Variants in SCHIP1 observed in about 807,000 individuals in gnomAD.
SCHIP1 encodes the protein schwannomin interacting protein 1.
SCHIP1 carries 8 observed loss-of-function variants against 29.7 expected under a neutral mutation model. That is an observed-to-expected ratio of 0.27 (90% CI 0.16 to 0.49). The LOEUF (loss-of-function observed/expected upper bound fraction) is 0.49, where lower values mean the gene tolerates loss of function less well. Ranked by LOEUF, SCHIP1 falls within the 20% of genes least tolerant of loss-of-function variation. SCHIP1 has a pLI of 0.99. For missense variants in SCHIP1, 193 were observed against 294.6 expected, an observed-to-expected ratio of 0.66 and a Z score of 2.52; for synonymous variants, 76 against 94.9, an observed-to-expected ratio of 0.80 and a Z score of 1.16.
the SCHIP1 span, among the ~76,000 whole-genome samples, chr3:159,834,165 G>A: frequency 6.6e-6 from 1 of 152,168 alleles, no homozygotes; most frequent in South Asian, 2.1e-4. Flanking sequence ...TTGTTTCAAA[G>A]TATTTATTGA....
At chr3:159,687,736 G>T in the SCHIP1 span, among the ~76,000 whole-genome samples, 1 of 152,120 alleles carries the variant, frequency 6.6e-6, no homozygotes, top group African/African-American at 2.4e-5. Flanking sequence ...TTATCCTAGT[G>T]CTATCCCTCC....
At chr3:159,882,903 C>A (rs1479804397) in intron 2 of SCHIP1, among the ~76,000 whole-genome samples, 1 of 152,216 alleles carries the variant, frequency 6.6e-6, no homozygotes, top group South Asian at 2.1e-4. Flanking sequence ...CCAGTAGGCA[C>A]TGTCACACTG....
At chr3:159,419,315 C>T in the SCHIP1 span, among the ~76,000 whole-genome samples, 1 of 152,248 alleles carries the variant, frequency 6.6e-6, no homozygotes, top group African/African-American at 2.4e-5. Context: ...AAGCACCTAG[C>T]ACAAGGTTTG....
At chr3:159,569,868 C>T in the SCHIP1 span, among the ~76,000 whole-genome samples, 49 of 152,278 alleles carry the variant, frequency 3.2e-4, no homozygotes, top group African/African-American at 8.7e-4. Context: ...TTCTAACTGG[C>T]ATGAGATGGT....
At chr3:159,673,380 G>T in the SCHIP1 span, among the ~76,000 whole-genome samples, 1 of 152,200 alleles carries the variant, frequency 6.6e-6, no homozygotes, top group African/African-American at 2.4e-5. Context: ...AGCCATGTAT[G>T]TCTGTGACTT....
chr3:159,280,681 GT>G, the SCHIP1 span, among the ~76,000 whole-genome samples: 3 of 152,300 alleles, frequency 2.0e-5, no homozygotes, highest in African/African-American at 7.2e-5. Context: ...TGCCAGAGAG[GT>G]TTTGGCACTT....
At chr3:159,382,770 T>G in the SCHIP1 span, among the ~76,000 whole-genome samples, 1 of 152,356 alleles carries the variant, frequency 6.6e-6, no homozygotes, top group African/African-American at 2.4e-5. Flanking sequence ...CAGCACCTGC[T>G]GTTTCTTGAC....
At chr3:159,485,253 G>A in the SCHIP1 span, among the ~76,000 whole-genome samples, 1 of 152,290 alleles carries the variant, frequency 6.6e-6, no homozygotes, top group South Asian at 2.1e-4. Context: ...CCTGGGGTCA[G>A]GTCCGTAGTG....
the SCHIP1 span, among the ~76,000 whole-genome samples, chr3:159,410,452 T>TA: frequency 1.3e-5 from 2 of 151,924 alleles, no homozygotes; most frequent in Non-Finnish European, 2.9e-5. Flanking sequence ...AATAATCCAA[T>TA]AAAAAATAGG....
At chr3:159,377,493 G>A in the SCHIP1 span, among the ~76,000 whole-genome samples, 4 of 152,206 alleles carry the variant, frequency 2.6e-5, no homozygotes, top group South Asian at 8.3e-4. Flanking sequence ...AAGAGGCCAT[G>A]GAGAATCTAT....
the SCHIP1 span, among the ~76,000 whole-genome samples, chr3:159,797,769 A>G: frequency 1.3e-5 from 2 of 151,978 alleles, no homozygotes; most frequent in Non-Finnish European, 2.9e-5. Context: ...GAGATGGGGT[A>G]AGATCTTTAG....
At chr3:159,494,809 A>C in the SCHIP1 span, among the ~76,000 whole-genome samples, 529 of 152,310 alleles carry the variant, frequency 3.5e-3, 8 homozygotes, top group African/African-American at 0.012. Flanking sequence ...AAAAAAAAAG[A>C]GAATTTTATA....
the SCHIP1 span, among the ~76,000 whole-genome samples, chr3:159,723,680 C>T: frequency 2.6e-5 from 4 of 152,142 alleles, no homozygotes; most frequent in Non-Finnish European, 4.4e-5. Flanking sequence ...AGAAGCAACC[C>T]TGTACATCAT....
the SCHIP1 span, among the ~76,000 whole-genome samples, chr3:159,615,228 A>G: frequency 6.6e-6 from 1 of 152,212 alleles, no homozygotes; most frequent in Non-Finnish European, 1.5e-5. Flanking sequence ...GATCATGTTC[A>G]GTGTTGTGAG....
the SCHIP1 span, among the ~76,000 whole-genome samples, chr3:159,670,621 A>G: frequency 2.6e-5 from 4 of 152,196 alleles, no homozygotes; most frequent in Non-Finnish European, 5.9e-5. Context: ...TATATGGACA[A>G]TTAATGTGTT....
At chr3:159,722,245 A>G in the SCHIP1 span, 1 of 174,452 alleles carries the variant, frequency 5.7e-6, no homozygotes, top group Admixed American at 6.4e-5. Context: ...TCTTCCACCA[A>G]CAGGGCCACA....
chr3:159,836,266 C>A (rs1463257671), upstream of SCHIP1, among the ~76,000 whole-genome samples: 1 of 152,134 alleles, frequency 6.6e-6, no homozygotes, highest in Admixed American at 6.5e-5. Flanking sequence ...CATGAGGCCC[C>A]GTTTCCTGAT....
the SCHIP1 span, among the ~76,000 whole-genome samples, chr3:159,431,622 A>G: frequency 3.3e-5 from 5 of 152,116 alleles, no homozygotes; most frequent in African/African-American, 7.2e-5. Context: ...TATCCTGGCT[A>G]AGATGGTGAA....
chr3:159,375,721 T>G, the SCHIP1 span: 2 of 811,620 alleles, frequency 2.5e-6, no homozygotes, highest in Admixed American at 1.3e-4. Flanking sequence ...TGGGCAAAAC[T>G]CCGTCTCAAA....
Sources: allele counts gnomAD v4.1 joint callset (sites outside exome capture counted in the v4.1 genomes callset), GRCh38; gene constraint gnomAD v4.1.1; transcripts MANE v1.5; gene names NCBI Gene and HGNC (gene_info 2026-07-23, HGNC 2026-07-21).